Variants in PTPRM observed in about 807,000 individuals in gnomAD.
PTPRM encodes the protein receptor-type tyrosine-protein phosphatase mu.
In PTPRM, 47 loss-of-function variants were observed where a neutral mutation model predicts 186.7. That is an observed-to-expected ratio of 0.25 (90% CI 0.20 to 0.32). The LOEUF is 0.32. Among genes scored for constraint, PTPRM ranks in the 10% least tolerant of loss-of-function variants. The pLI, the probability that PTPRM is intolerant of heterozygous loss-of-function variation, is 1.00. For synonymous variants in PTPRM, 668 were observed against 674.9 expected, an observed-to-expected ratio of 0.99 and a Z score of 0.16; for missense variants, 1,494 against 1,865.0, an observed-to-expected ratio of 0.80 and a Z score of 3.66.
chr18:7,639,179 A>C lies in PTPRM; in HGVS notation c.73+71288A>C, dbSNP rs550607826. ...AAGCTCCACCTCCAGGGTTCACGCCATTCTCCTGCCTCAGCCTCCCGAGTA... is the reference window on the plus strand; with the variant it reads ...AAGCTCCACCTCCAGGGTTCACGCCCTTCTCCTGCCTCAGCCTCCCGAGTA... On this transcript the variant is annotated intron_variant, in intron 1 of 32. Transcript: ENST00000580170. Among the ~76,000 whole-genome samples the C allele has an allele frequency of 4.1e-4, 63 of 152,210 alleles. No homozygotes were observed. The East Asian group carries it at 0.011, about 27-fold the overall frequency.
At chr18:7,804,162 G>T (rs139958682) in intron 2 of PTPRM, among the ~76,000 whole-genome samples, 1 of 152,104 alleles carries the variant, frequency 6.6e-6, no homozygotes, top group African/African-American at 2.4e-5. Context: ...CTTCATCATC[G>T]GTTGGGGTGG....
At position 8,375,925 on chromosome 18, in the gene PTPRM, ACT is replaced by A. The variant is rs1391649445; in HGVS notation, c.3172-120_3172-119del. 14 of 1,069,108 alleles carry A rather than the reference ACT, an allele frequency of 1.3e-5. No homozygotes were observed. The Admixed American group carries it at 2.8e-4, about 22-fold the overall frequency. 66.2% of individuals were successfully genotyped at this position (1,069,108 alleles called of 1,614,324 possible). On this transcript the variant is annotated intron_variant, in intron 24 of 32. Coordinates refer to ENST00000580170, the MANE Select transcript of PTPRM (RefSeq NM_001105244.2). ...GGATGGCCTCTTTCCCCAGCAGTCC[ACT>A]GTTTCCTGGCCCTAGACTTGCTACC...
intron 2 of PTPRM, among the ~76,000 whole-genome samples, chr18:7,884,803 A>AATC (rs2048688534): frequency 6.6e-6 from 1 of 151,658 alleles, no homozygotes; most frequent in Non-Finnish European, 1.5e-5. Context: ...AGGCACCTGT[A>AATC]ATCCCAGCTA....
In PTPRM at chr18:8,376,444, A is replaced by T; in HGVS notation, c.3327-18A>T. ...GTGGTCCTTCTTCCTCCACTGACAG[A>T]CCCCCCTTTTCATTCAGTGCTGGTG... is the stretch of plus-strand genomic sequence containing the variant. On this transcript the variant is annotated intron_variant, in intron 25 of 32. Transcript: ENST00000580170. 1 of 1,613,696 alleles carries T rather than the reference A, an allele frequency of 6.2e-7. No homozygotes were observed. The highest frequency in any genetic ancestry group is 8.5e-7 in the Non-Finnish European group (1 of 1,179,904).
At chr18:7,636,620 T>C (rs11877271) in intron 1 of PTPRM, among the ~76,000 whole-genome samples, 5,474 of 152,174 alleles carry the variant, frequency 0.036, 359 homozygotes, top group African/African-American at 0.13. Context: ...CCTGCTTACA[T>C]GGCTGTCAGT....
At chr18:8,387,600 A>G (rs934590586) in intron 31 of PTPRM, among the ~76,000 whole-genome samples, 1 of 151,986 alleles carries the variant, frequency 6.6e-6, no homozygotes, top group Non-Finnish European at 1.5e-5. Flanking sequence ...GAATTCATCC[A>G]TGGTAGAAGG....
intron 2 of PTPRM, among the ~76,000 whole-genome samples, chr18:7,783,748 T>TTG (rs60314284): frequency 0.11 from 15,433 of 146,362 alleles, 2,159 homozygotes; most frequent in African/African-American, 0.32. Flanking sequence ...ATTTTTAATT[T>TTG]TGTGTGTGTG....
chr18:7,874,487 A>C (rs990256347), intron 2 of PTPRM, among the ~76,000 whole-genome samples: 1 of 152,132 alleles, frequency 6.6e-6, no homozygotes, highest in African/African-American at 2.4e-5. Flanking sequence ...TTCATCATCA[A>C]GTGAGGACAT....
chr18:7,734,492 C>T (rs1031770843), intron 1 of PTPRM, among the ~76,000 whole-genome samples: 1 of 152,056 alleles, frequency 6.6e-6, no homozygotes, highest in African/African-American at 2.4e-5. Flanking sequence ...AGTACTAAAT[C>T]GAAGAATTGC....
chr18:8,252,511 GATTCGCCCC>G lies in PTPRM; in HGVS notation c.2566+15_2566+23del. 6.5e-7 allele frequency: 1 copy of G among 1,545,972 alleles called. No individual in the cohort carries two copies. The stretch of plus-strand genomic sequence containing the variant: ...AGTGCCAATAAATGGTAAGTTCCCC[GATTCGCCCC>G]ATGGAAGAGTTGTGGAGGGAGTGGG... On this transcript the variant is annotated intron_variant, in intron 18 of 32. Coordinates refer to ENST00000580170, the MANE Select transcript of PTPRM (RefSeq NM_001105244.2).
chr18:8,360,930 A>G (rs897277149), intron 23 of PTPRM: 1 of 152,224 alleles, frequency 6.6e-6, no homozygotes, highest in Non-Finnish European at 1.5e-5. Flanking sequence ...TGAAACCAAC[A>G]GTGTACGTGT....
At chr18:7,773,560 T>C (rs1189768874) in intron 1 of PTPRM, among the ~76,000 whole-genome samples, 1 of 129,464 alleles carries the variant, frequency 7.7e-6, no homozygotes, top group Non-Finnish European at 1.5e-5. Flanking sequence ...TTCTTTTTTT[T>C]CTTTTCTTTG....
At chr18:7,756,440 T>A (rs1013239393) in intron 1 of PTPRM, among the ~76,000 whole-genome samples, 1 of 152,200 alleles carries the variant, frequency 6.6e-6, no homozygotes, top group African/African-American at 2.4e-5. Flanking sequence ...TTTGAGGAAA[T>A]AAATCTCACT....
chr18:8,038,913 C>T (rs529716623), intron 7 of PTPRM, among the ~76,000 whole-genome samples: 1 of 152,044 alleles, frequency 6.6e-6, no homozygotes, highest in Non-Finnish European at 1.5e-5. Flanking sequence ...GAGCATAATC[C>T]ATAGTAAAGC....
At chr18:8,021,100 C>A (rs898444927) in intron 7 of PTPRM, among the ~76,000 whole-genome samples, 1 of 152,066 alleles carries the variant, frequency 6.6e-6, no homozygotes, top group African/African-American at 2.4e-5. Context: ...CTAGGGTCTT[C>A]TGAGTAGCAG....
intron 11 of PTPRM, among the ~76,000 whole-genome samples, chr18:8,091,738 T>G: frequency 6.6e-6 from 1 of 152,124 alleles, no homozygotes; most frequent in Non-Finnish European, 1.5e-5. Flanking sequence ...TATAGTACCC[T>G]CTAACTAAAT....
Position 7,630,538 on chromosome 18 carries a change from C to T in PTPRM, c.73+62647C>T, listed in dbSNP as rs558285007. 6.1e-4 allele frequency among the ~76,000 whole-genome samples: 93 copies of T among 152,164 alleles called. 1 individual carries two copies. The highest frequency in any genetic ancestry group is 1.9e-3 in the African/African-American group (78 of 41,528). ...AGCAGAGACCTAGGACAGTCACTTA[C>T]GCGCAACGTGGAAGGGAGGTTTTTA... On this transcript the variant is annotated intron_variant, in intron 1 of 32. Transcript: ENST00000580170.
chr18:8,038,659 T>G (rs1237271783), intron 7 of PTPRM, among the ~76,000 whole-genome samples: 1 of 152,220 alleles, frequency 6.6e-6, no homozygotes, highest in Non-Finnish European at 1.5e-5. Context: ...TTCAAAGTGC[T>G]GGGATTACAG....
chr18:7,949,916 TC>T (rs36031880), intron 6 of PTPRM, among the ~76,000 whole-genome samples: 1 of 152,190 alleles, frequency 6.6e-6, no homozygotes, highest in African/African-American at 2.4e-5. Context: ...GAAATAAGTT[TC>T]CTTTAGCCGG....
Sources: gnomAD v4.1 joint callset for allele counts (sites outside exome capture counted in the v4.1 genomes callset) on GRCh38, gnomAD v4.1.1 for gene constraint, MANE v1.5 for transcripts, NCBI Gene and HGNC (gene_info 2026-07-23, HGNC 2026-07-21) for gene names.